The following PKN3 variants were observed in gnomAD, a reference collection of about 807,000 sequenced individuals.
The protein encoded by PKN3 is protein kinase N3, also known as serine/threonine-protein kinase N3.
Under a neutral mutation model 113.1 loss-of-function variants are expected in PKN3, and 91 were observed. That is an observed-to-expected ratio of 0.80 (90% confidence interval 0.68 to 0.96). The LOEUF (loss-of-function observed/expected upper bound fraction) is 0.96. Ranked by LOEUF, PKN3 falls within the 40% of genes least tolerant of loss-of-function variation. PKN3 has a pLI of 0.00. For missense variants in PKN3, 1,052 were observed against 1,202.2 expected (o/e 0.88, Z 1.85); for synonymous variants, 467 against 499.0 (o/e 0.94, Z 0.85).
rs1420354657 is a variant in PKN3 at position 128,714,122 on chromosome 9, G to GT, written c.1312+2dup. On this transcript the variant is annotated splice_donor_variant, in intron 10 of 21. Transcript: ENST00000291906. LOFTEE classifies it high-confidence loss of function. Reference sequence around the variant, plus strand: ...GAACGCATCTTCTCTAAACGCAGAGGTGTGGAGGGAATGGGGGCTATGTGT... The same window carrying GT: ...GAACGCATCTTCTCTAAACGCAGAGGTTGTGGAGGGAATGGGGGCTATGTGT... The GT allele has an allele frequency of 6.2e-7, 1 of 1,614,006 alleles. No individual in the cohort carries two copies. Among genetic ancestry groups the GT allele is most frequent in the Non-Finnish European group, 8.5e-7 (1 of 1,179,992 alleles).
chr9:128,708,039 C>G (rs2132293981), intron 6 of PKN3, among the ~76,000 whole-genome samples: 1 of 147,234 alleles, frequency 6.8e-6, no homozygotes, highest in East Asian at 2.0e-4. Context: ...CCACTGCACT[C>G]CACCCTGGGC....
rs757921582 is a variant in PKN3, at chr9:128,719,797, G to T, written c.2237G>T (p.Gly746Val). The change falls in exon 19 of 22, where the codon GGT becomes GTT. Residue 746 changes from glycine (G) to valine (V), a missense_variant. This residue lies in a region of PKN3 where 333 missense variants were observed against 442.8 expected (regional missense o/e 0.75). Coordinates refer to ENST00000291906, the MANE Select transcript of PKN3 (RefSeq NM_013355.5). ...YTRAVDWWGL[G>V]VLLYEMLVGE... ...CGGGCTGTGGACTGGTGGGGGCTGGGTGTGCTGCTCTACGAGATGCTGGTG... is the reference window on the plus strand; with the variant it reads ...CGGGCTGTGGACTGGTGGGGGCTGGTTGTGCTGCTCTACGAGATGCTGGTG... The T allele has an allele frequency of 1.9e-6, 3 of 1,608,090 alleles. No individual in the cohort carries two copies. The highest frequency in any genetic ancestry group is 2.5e-6 in the Non-Finnish European group (3 of 1,176,478).
Position 128,715,091 on chromosome 9 carries a change from G to A in PKN3, c.1653-81G>A, listed in dbSNP as rs1307388010. 2.4e-5 allele frequency: 35 copies of A among 1,436,208 alleles called. No individual in the cohort carries two copies. Among genetic ancestry groups the A allele is most frequent in the Non-Finnish European group, 3.2e-5 (33 of 1,021,000 alleles). The allele number at this position is 1,436,208 out of a possible 1,614,324, so 89.0% of individuals were successfully genotyped here. ...ATAGGTCGGGACAGCCCAGGACTGGGCATGGGAGGCTTGGAGTGGCTCTGG... is the reference window on the plus strand; with the variant it reads ...ATAGGTCGGGACAGCCCAGGACTGGACATGGGAGGCTTGGAGTGGCTCTGG... On this transcript the variant is annotated intron_variant, in intron 13 of 21. Transcript: ENST00000291906. This position sits in a 1 kb window ranked among gnomAD's most constrained non-coding sequence, Gnocchi z 4.1.
In PKN3 at chr9:128,706,912, G is replaced by A. The variant is rs545097881; in HGVS notation, c.540G>A (p.Ala180=). The A allele has an allele frequency of 4.7e-5, 76 of 1,614,178 alleles. 1 individual carries two copies. In the South Asian group the frequency reaches 5.7e-4, roughly 12 times the overall value. ...GSPEPGPELL[A]EELQHRLHVE... Reference sequence around the variant, plus strand: ...TTCCCACAGGGCCTGAGCTGCTGGCGGAGGAGCTACAGCATCGACTGCACG... The same window carrying A: ...TTCCCACAGGGCCTGAGCTGCTGGCAGAGGAGCTACAGCATCGACTGCACG... Residue 180 remains alanine (A), a synonymous_variant, in exon 5 of 22, where the codon GCG becomes GCA. Coordinates refer to ENST00000291906, the MANE Select transcript of PKN3 (RefSeq NM_013355.5).
Position 128,720,165 on chromosome 9 carries a change from G to C in PKN3, c.2377-38G>C. 1.3e-6 allele frequency: 2 copies of C among 1,597,534 alleles called. No homozygotes were observed. Among genetic ancestry groups the C allele is most frequent in the Non-Finnish European group, 1.7e-6 (2 of 1,167,268 alleles). On this transcript the variant is annotated intron_variant, in intron 20 of 21. Transcript: ENST00000291906. The surrounding 1 kb of genome is among the most constrained non-coding windows in gnomAD (Gnocchi z 5.5). ...CCTGTGGATGATGGCAGTGCCTGGG[G>C]CTGAATGCCCTAAGTGAGCGCCTGT... is the stretch of plus-strand genomic sequence containing the variant.
At position 128,715,097 on chromosome 9, in the gene PKN3, GA is replaced by G. The variant is rs953974139; in HGVS notation, c.1653-74del. On this transcript the variant is annotated intron_variant, in intron 13 of 21. Coordinates refer to ENST00000291906, the MANE Select transcript of PKN3 (RefSeq NM_013355.5). This position sits in a 1 kb window ranked among gnomAD's most constrained non-coding sequence, Gnocchi z 4.1. Reference sequence around the variant, plus strand: ...CGGGACAGCCCAGGACTGGGCATGGGAGGCTTGGAGTGGCTCTGGGTAGGGG... The same window carrying G: ...CGGGACAGCCCAGGACTGGGCATGGGGGCTTGGAGTGGCTCTGGGTAGGGG... The G allele has an allele frequency of 3.3e-5, 48 of 1,476,216 alleles. No individual in the cohort carries two copies. The African/African-American group carries it at 6.2e-4, about 19-fold the overall frequency. The allele number at this position is 1,476,216 out of a possible 1,614,324, so 91.4% of individuals were successfully genotyped here.
chr9:128,714,581 A>AC lies in PKN3; in HGVS notation c.1506dup (p.Glu505Ter), dbSNP rs1478065380. ...CTACAGTAATTTCCTGCCCAAGAAGACCCCCTTGGGTGAAGAGATGACACC... is the reference window on the plus strand; with the variant it reads ...CTACAGTAATTTCCTGCCCAAGAAGACCCCCCTTGGGTGAAGAGATGACACC... On this transcript the variant is annotated frameshift_variant, in exon 12 of 22. Transcript: ENST00000291906. LOFTEE classifies it high-confidence loss of function. 8.0e-7 allele frequency: 1 copy of AC among 1,252,806 alleles called. No homozygotes were observed. The highest frequency in any genetic ancestry group is 1.2e-6 in the Non-Finnish European group (1 of 850,474). 77.6% of individuals were successfully genotyped at this position (1,252,806 alleles called of 1,614,324 possible).
chr9:128,707,624 C>T (rs921682166), intron 6 of PKN3, among the ~76,000 whole-genome samples: 34 of 152,370 alleles, frequency 2.2e-4, no homozygotes, highest in African/African-American at 8.2e-4. Flanking sequence ...CTGTGTTGCA[C>T]GTGATGTGCT....
At chr9:128,705,187 G>A (rs746578597) in intron 1 of PKN3, 116 bp from the exon 2 acceptor site, 32 of 1,323,668 alleles carry the variant, frequency 2.4e-5, no homozygotes, top group Middle Eastern at 2.3e-4. Flanking sequence ...AACCCTGTGC[G>A]AGTCAGTCCT....
chr9:128,718,738 G>A (rs572291751), intron 18 of PKN3, 113 bp downstream of exon 18: 8 of 977,616 alleles, frequency 8.2e-6, no homozygotes, highest in Admixed American at 3.7e-5. Context: ...GGATGCCCTG[G>A]TTCCACCACC....
intron 6 of PKN3, 82 bp from the exon 7 acceptor site, chr9:128,712,970 C>A: frequency 1.4e-6 from 2 of 1,453,414 alleles, no homozygotes; most frequent in Non-Finnish European, 1.9e-6. Context: ...GAGAGGGTGG[C>A]CTTCCTGGGG....
At chr9:128,708,411 A>C (rs1564371625) in intron 6 of PKN3, among the ~76,000 whole-genome samples, 1 of 152,172 alleles carries the variant, frequency 6.6e-6, no homozygotes, top group East Asian at 1.9e-4. Flanking sequence ...TCCTTGGAAA[A>C]AAAATAATAA....
At chr9:128,714,954 C>G (rs1862296885) in intron 13 of PKN3, 89 bp downstream of exon 13, 3 of 1,321,512 alleles carry the variant, frequency 2.3e-6, no homozygotes, top group South Asian at 2.4e-5. Context: ...TCCCTGGCTC[C>G]CTGGCGGGTG....
chr9:128,706,696 G>A lies in PKN3; in HGVS notation c.412-17G>A, dbSNP rs1248383039. 1 of 1,526,036 alleles carries A rather than the reference G, an allele frequency of 6.6e-7. No individual in the cohort carries two copies. Among genetic ancestry groups the A allele is most frequent in the Non-Finnish European group, 8.8e-7 (1 of 1,132,322 alleles). The allele number at this position is 1,526,036 out of a possible 1,614,324, so 94.5% of individuals were successfully genotyped here. A position where few individuals can be genotyped will look rare whatever the true frequency, so the allele number is the denominator to read the frequency against. On this transcript the variant is annotated splice_polypyrimidine_tract_variant and intron_variant, in intron 3 of 21. Transcript: ENST00000291906. Reference sequence around the variant, plus strand: ...GGCCCAGGCCTGGTCTGATGGGCCTGTGCTATGGCTCCATAGGAGAGGAAG... The same window carrying A: ...GGCCCAGGCCTGGTCTGATGGGCCTATGCTATGGCTCCATAGGAGAGGAAG...
intron 4 of PKN3, 26 bp downstream of exon 4, chr9:128,706,850 C>T (rs757226801): frequency 1.4e-5 from 22 of 1,612,442 alleles, no homozygotes; most frequent in East Asian, 4.5e-5. Flanking sequence ...ACAGGGAGGG[C>T]GGAGCAGGGA....
At chr9:128,705,146 G>C (rs1473386394) in intron 1 of PKN3, among the ~76,000 whole-genome samples, 157 bp from the exon 2 acceptor site, 2 of 152,156 alleles carry the variant, frequency 1.3e-5, no homozygotes, top group African/African-American at 4.8e-5. Context: ...TCTGGCTCAG[G>C]CCTGAGCTCT....
intron 6 of PKN3, among the ~76,000 whole-genome samples, chr9:128,708,647 C>T (rs550146184): frequency 2.0e-5 from 3 of 151,768 alleles, no homozygotes; most frequent in South Asian, 2.1e-4. Context: ...GATTTCTAGA[C>T]GAGCCTGGGC....
rs760938513 is a variant in PKN3 at position 128,719,989 on chromosome 9, C to G, written c.2348C>G (p.Ser783Trp). ...NMDAPYPGFL[S>W]VQGLEFIQKL... The stretch of plus-strand genomic sequence containing the variant: ...GACGCCCCCTACCCCGGCTTTCTGT[C>G]GGTGCAAGGGCTTGAGTTCATTCAG... Residue 783 changes from serine to tryptophan, a missense_variant, in exon 20 of 22, where the codon TCG becomes TGG. Around this residue, in one of 2 missense-constraint regions of PKN3, gnomAD observed 333 missense variants for 442.8 expected, o/e 0.75. Transcript: ENST00000291906. 1.9e-6 allele frequency: 3 copies of G among 1,614,014 alleles called. No homozygotes were observed. Among genetic ancestry groups the G allele is most frequent in the Non-Finnish European group, 2.5e-6 (3 of 1,179,906 alleles).
At chr9:128,705,569 A>G in intron 2 of PKN3, 26 bp downstream of exon 2, 1 of 1,551,222 alleles carries the variant, frequency 6.4e-7, no homozygotes, top group Non-Finnish European at 8.7e-7. Context: ...AGACCCCCTC[A>G]GGACAGAAGG....
Sources: gnomAD v4.1 joint callset for allele counts (sites outside exome capture counted in the v4.1 genomes callset) on GRCh38, gnomAD v4.1.1 for gene constraint, gnomAD v4.1.1 regional missense constraint, Gnocchi (gnomAD v3.1) non-coding constraint, MANE v1.5 for transcripts, NCBI Gene and HGNC (gene_info 2026-07-23, HGNC 2026-07-21) for gene names.